Variants in FANK1 observed in about 807,000 individuals in gnomAD.
FANK1 encodes the protein fibronectin type 3 and ankyrin repeat domains protein 1.
A neutral mutation model predicts 45.3 loss-of-function variants in FANK1; 44 were observed. The ratio of observed to expected loss-of-function variants is 0.97; its 90% confidence interval spans 0.76 to 1.25. FANK1 has a LOEUF of 1.25. Among genes scored for constraint, FANK1 ranks in the 50% most tolerant of loss-of-function variants. The pLI, the probability that FANK1 is intolerant of heterozygous loss-of-function variation, is 0.00. For synonymous variants in FANK1, 149 were observed against 152.5 expected (o/e 0.98, Z 0.17); for missense variants, 391 against 424.4 (o/e 0.92, Z 0.69).
intron 1 of FANK1, among the ~76,000 whole-genome samples, chr10:125,964,570 A>T (rs989524796): frequency 1.3e-5 from 2 of 152,100 alleles, no homozygotes; most frequent in Non-Finnish European, 2.9e-5. Flanking sequence ...ATTCACATGG[A>T]TATATTTAGC....
At chr10:125,938,922 G>C (rs1483448142) in intron 1 of FANK1, among the ~76,000 whole-genome samples, 1 of 152,118 alleles carries the variant, frequency 6.6e-6, no homozygotes, top group East Asian at 1.9e-4. Flanking sequence ...AAAGAATAAT[G>C]TTAATACCTT....
At chr10:125,971,449 C>T (rs1950507748) in intron 1 of FANK1, among the ~76,000 whole-genome samples, 2 of 151,754 alleles carry the variant, frequency 1.3e-5, no homozygotes, top group South Asian at 4.1e-4. Flanking sequence ...CACACAACAT[C>T]TCTCTACTTT....
intron 1 of FANK1, among the ~76,000 whole-genome samples, chr10:125,901,868 C>T (rs1945064877): frequency 6.6e-6 from 1 of 152,236 alleles, no homozygotes; most frequent in Admixed American, 6.5e-5. Context: ...CGCCTGTAAT[C>T]CCAGCATTTT....
At chr10:125,926,753 T>G (rs1947371365) in intron 1 of FANK1, among the ~76,000 whole-genome samples, 1 of 152,172 alleles carries the variant, frequency 6.6e-6, no homozygotes, top group Non-Finnish European at 1.5e-5. Context: ...ATCCCAGATC[T>G]TCCACTTGAG....
At chr10:125,943,047 C>T (rs944142836) in intron 1 of FANK1, among the ~76,000 whole-genome samples, 2 of 152,046 alleles carry the variant, frequency 1.3e-5, no homozygotes, top group African/African-American at 2.4e-5. Flanking sequence ...CTTCTGACCT[C>T]GTGATCTGCC....
Position 125,928,261 on chromosome 10 carries a change from C to CTTTTTTTTT in FANK1, c.13+31616_13+31624dup. On this transcript the variant is annotated intron_variant, in intron 1 of 10. Coordinates refer to ENST00000368693, the MANE Select transcript of FANK1 (RefSeq NM_145235.5). ...TAAACAAGGGGTGGATTATTCGTGC[C>CTTTTTTTTT]TTTTTTTTTTTTTTTTTTAAAGACC... 1.5e-5 allele frequency among the ~76,000 whole-genome samples: 2 copies of CTTTTTTTTT among 137,720 alleles called. 1 individual carries two copies. The highest frequency in any genetic ancestry group is 3.1e-5 in the Non-Finnish European group (2 of 65,398). The allele number at this position is 137,720 out of a possible 152,430, so 90.3% of individuals were successfully genotyped here.
chr10:125,934,374 G>C (rs963062362), intron 1 of FANK1, among the ~76,000 whole-genome samples: 2 of 152,044 alleles, frequency 1.3e-5, no homozygotes, highest in Non-Finnish European at 2.9e-5. Context: ...TTATAATTCT[G>C]CCTGTTTTGG....
intron 1 of FANK1, among the ~76,000 whole-genome samples, chr10:125,970,270 G>T (rs1398397252): frequency 1.3e-5 from 2 of 151,740 alleles, no homozygotes; most frequent in African/African-American, 4.8e-5. Context: ...TCCAGATGGG[G>T]CGGCTGCTGG....
chr10:125,961,187 A>G (rs1949904488), intron 1 of FANK1, among the ~76,000 whole-genome samples: 1 of 152,110 alleles, frequency 6.6e-6, no homozygotes, highest in African/African-American at 2.4e-5. Flanking sequence ...GCTCACTGTA[A>G]CCTTTACTTC....
chr10:125,945,675 G>A (rs1373549283), intron 1 of FANK1, among the ~76,000 whole-genome samples: 1 of 152,222 alleles, frequency 6.6e-6, no homozygotes, highest in Non-Finnish European at 1.5e-5. Flanking sequence ...GGCTGGGGGA[G>A]GGGTGCCTGC....
chr10:125,950,523 T>C (rs957152929), intron 1 of FANK1, among the ~76,000 whole-genome samples: 82 of 152,168 alleles, frequency 5.4e-4, no homozygotes, highest in African/African-American at 1.8e-3. Context: ...AAAATGCTCA[T>C]CATCACTGGC....
chr10:125,997,941 A>G (rs1239698465), intron 6 of FANK1, among the ~76,000 whole-genome samples: 8 of 152,244 alleles, frequency 5.3e-5, no homozygotes, highest in Admixed American at 5.2e-4. Flanking sequence ...CACCAAGAGC[A>G]CTTTCCTGAG....
At position 125,906,705 on chromosome 10, in the gene FANK1, A is replaced by C. The variant is rs1350453979; in HGVS notation, c.13+10050A>C. Among the ~76,000 whole-genome samples, 26 of 151,928 alleles carry C rather than the reference A, an allele frequency of 1.7e-4. 1 individual carries two copies. Among genetic ancestry groups the C allele is most frequent in the Admixed American group, 1.6e-3 (25 of 15,230 alleles). On this transcript the variant is annotated intron_variant, in intron 1 of 10. Transcript: ENST00000368693. ...CAGTGAACTTGATTTAAATTTATAG[A>C]ATTCTTATGACTTCTATTTCATCTT...
intron 1 of FANK1, among the ~76,000 whole-genome samples, chr10:125,978,808 G>A (rs192558322): frequency 2.6e-5 from 4 of 152,288 alleles, no homozygotes; most frequent in Non-Finnish European, 5.9e-5. Context: ...GTCTTATCTC[G>A]TGAGGTGCAG....
chr10:125,902,056 T>C (rs1160815517), intron 1 of FANK1, among the ~76,000 whole-genome samples: 3 of 151,910 alleles, frequency 2.0e-5, no homozygotes, highest in African/African-American at 4.8e-5. Context: ...GAGGTGGAGG[T>C]TGCAGTGAGC....
Position 125,980,305 on chromosome 10 carries a change from A to T in FANK1, c.158A>T (p.Asp53Val). 1 of 1,613,490 alleles carries T rather than the reference A, an allele frequency of 6.2e-7. No homozygotes were observed. The highest frequency in any genetic ancestry group is 1.1e-5 in the South Asian group (1 of 91,042). ...TTCAGGTTCTCGATTGAAGAAGAAG[A>T]CCCCAAAATGCACACTTATGGTATC... is the stretch of plus-strand genomic sequence containing the variant. ...QWFRFSIEEE[D>V]PKMHTYGIIY... Residue 53 changes from aspartate (D) to valine (V), a missense_variant, in exon 2 of 11, where the codon GAC becomes GTC. Asp to Val is a radical substitution (Grantham distance 152). Coordinates refer to ENST00000368693, the MANE Select transcript of FANK1 (RefSeq NM_145235.5).
chr10:125,899,317 C>A (rs1241323790), intron 1 of FANK1, among the ~76,000 whole-genome samples: 1 of 152,222 alleles, frequency 6.6e-6, no homozygotes, highest in African/African-American at 2.4e-5. Context: ...GCCCTGGCCT[C>A]CCAAAGTGCT....
At chr10:125,941,062 CTCTT>C (rs1380871362) in intron 1 of FANK1, among the ~76,000 whole-genome samples, 1 of 152,182 alleles carries the variant, frequency 6.6e-6, no homozygotes, top group Admixed American at 6.5e-5. Flanking sequence ...AGTCTGATCT[CTCTT>C]TTCCCTAGAG....
intron 1 of FANK1, among the ~76,000 whole-genome samples, chr10:125,939,739 A>T (rs1224148333): frequency 6.6e-6 from 1 of 152,184 alleles, no homozygotes; most frequent in African/African-American, 2.4e-5. Flanking sequence ...AGAGGCATTC[A>T]TAAGTCTAAA....
Sources: gnomAD v4.1 joint callset for allele counts (sites outside exome capture counted in the v4.1 genomes callset) on GRCh38, gnomAD v4.1.1 for gene constraint, MANE v1.5 for transcripts, NCBI Gene and HGNC (gene_info 2026-07-23, HGNC 2026-07-21) for gene names.